The following SPON1 variants were observed in gnomAD, a reference collection of about 807,000 sequenced individuals.
SPON1 encodes spondin-1.
Under a neutral mutation model 111.7 loss-of-function variants are expected in SPON1, and 52 were observed. That is an observed-to-expected ratio of 0.47 (90% CI 0.37 to 0.59). SPON1 has a LOEUF of 0.59. SPON1 is among the 20% of genes least tolerant of loss of function. The probability of loss-of-function intolerance (pLI) is 0.00; values close to 1 mark genes in which losing one functional copy is unlikely to be tolerated. For missense variants in SPON1, 957 were observed against 1,068.5 expected (o/e 0.90, Z 1.46); for synonymous variants, 410 against 395.8 (o/e 1.04, Z -0.43).
chr11:14,230,823 C>T (rs1460364173), intron 6 of SPON1, among the ~76,000 whole-genome samples: 1 of 152,096 alleles, frequency 6.6e-6, no homozygotes, highest in Non-Finnish European at 1.5e-5. Flanking sequence ...GGGTCTCACT[C>T]TGTCACCCAG....
At chr11:14,107,471 G>A (rs569440744) in intron 5 of SPON1, among the ~76,000 whole-genome samples, 36 of 151,724 alleles carry the variant, frequency 2.4e-4, no homozygotes, top group African/African-American at 8.2e-4. Flanking sequence ...TCTTTGGTCC[G>A]TTGACTGAAT....
intron 2 of SPON1, among the ~76,000 whole-genome samples, chr11:14,032,279 G>A (rs1235948466): frequency 1.3e-5 from 2 of 151,952 alleles, no homozygotes; most frequent in Admixed American, 6.6e-5. Flanking sequence ...ACTATCTTGG[G>A]GTGGTGGAAT....
chr11:13,990,837 G>A (rs12363301), intron 2 of SPON1, among the ~76,000 whole-genome samples: 1 of 152,118 alleles, frequency 6.6e-6, no homozygotes, highest in Non-Finnish European at 1.5e-5. Flanking sequence ...ATGAAGCTTA[G>A]TTTGGCTGGA....
At position 14,170,244 on chromosome 11, in the gene SPON1, T is replaced by C. The variant is rs1470489552; in HGVS notation, c.825+34676T>C. ...TAAGTTGGATTCCTAGGTATTTTCT[T>C]CTCTTTGAAGCAATTGTGAATGGGA... On this transcript the variant is annotated intron_variant, in intron 6 of 15. Transcript: ENST00000576479. 3.3e-5 allele frequency among the ~76,000 whole-genome samples: 5 copies of C among 152,254 alleles called. No homozygotes were observed. The East Asian group carries it at 9.6e-4, about 29-fold the overall frequency.
chr11:14,264,095 G>A (rs1217124134), intron 15 of SPON1, among the ~76,000 whole-genome samples: 1 of 151,902 alleles, frequency 6.6e-6, no homozygotes, highest in Non-Finnish European at 1.5e-5. Context: ...CAAAGGCACA[G>A]AGATGCCAAA....
intron 3 of SPON1, among the ~76,000 whole-genome samples, chr11:14,050,373 A>C (rs1439522604): frequency 6.6e-6 from 1 of 152,176 alleles, no homozygotes; most frequent in Non-Finnish European, 1.5e-5. Context: ...TTTGTAAATA[A>C]AGTTTTATTG....
intron 6 of SPON1, among the ~76,000 whole-genome samples, chr11:14,138,579 C>G (rs1591386127): frequency 6.6e-6 from 1 of 152,156 alleles, no homozygotes; most frequent in Non-Finnish European, 1.5e-5. Context: ...ATTAGAAATA[C>G]TGAGCTATGG....
At chr11:14,245,330 ATGCAG>A (rs1848977532) in intron 7 of SPON1, among the ~76,000 whole-genome samples, 1 of 152,330 alleles carries the variant, frequency 6.6e-6, no homozygotes, top group East Asian at 1.9e-4. Context: ...AGCCCTGCAC[ATGCAG>A]TCCTAGCTCT....
At chr11:14,065,008 G>A (rs1848821144) in intron 3 of SPON1, among the ~76,000 whole-genome samples, 1 of 151,958 alleles carries the variant, frequency 6.6e-6, no homozygotes. Context: ...TTTTTTCAGG[G>A]GTTCAAAGAT....
intron 6 of SPON1, among the ~76,000 whole-genome samples, chr11:14,201,462 A>G (rs1288008201): frequency 1.3e-5 from 2 of 151,450 alleles, no homozygotes; most frequent in Non-Finnish European, 2.9e-5. Flanking sequence ...GCAGTGGCAC[A>G]GTCTCAGCTC....
At chr11:13,998,996 AG>A (rs1240429814) in intron 2 of SPON1, among the ~76,000 whole-genome samples, 2 of 152,200 alleles carry the variant, frequency 1.3e-5, no homozygotes, top group Non-Finnish European at 2.9e-5. Context: ...TTAAAATGAG[AG>A]TGATGAGCCT....
At chr11:14,165,334 A>T (rs1341387983) in intron 6 of SPON1, among the ~76,000 whole-genome samples, 1 of 152,052 alleles carries the variant, frequency 6.6e-6, no homozygotes, top group East Asian at 1.9e-4. Context: ...GGCTATGAGG[A>T]TGGGAAAAGG....
intron 2 of SPON1, among the ~76,000 whole-genome samples, chr11:14,005,753 T>C (rs1848354633): frequency 6.6e-6 from 1 of 152,172 alleles, no homozygotes; most frequent in Admixed American, 6.5e-5. Context: ...ATAATTCTGA[T>C]CTCAATGCCT....
At chr11:14,070,307 G>T (rs1245625409) in intron 3 of SPON1, among the ~76,000 whole-genome samples, 1 of 152,096 alleles carries the variant, frequency 6.6e-6, no homozygotes, top group African/African-American at 2.4e-5. Context: ...CTGGAATTGG[G>T]AAGAAGGCTG....
intron 4 of SPON1, among the ~76,000 whole-genome samples, chr11:14,076,429 G>A (rs1289775688): frequency 6.6e-6 from 1 of 152,074 alleles, no homozygotes; most frequent in Non-Finnish European, 1.5e-5. Flanking sequence ...ATATGTTTGG[G>A]GTGCTTTGCT....
At chr11:14,133,757 G>A (rs1008125943) in intron 5 of SPON1, among the ~76,000 whole-genome samples, 22 of 152,172 alleles carry the variant, frequency 1.4e-4, no homozygotes, top group Non-Finnish European at 7.3e-5. Flanking sequence ...TTAGAGAAAC[G>A]GCTGGCAGCA....
chr11:14,079,371 T>G (rs567178941), intron 4 of SPON1, among the ~76,000 whole-genome samples: 88 of 152,332 alleles, frequency 5.8e-4, no homozygotes, highest in African/African-American at 2.0e-3. Context: ...TATATATGCA[T>G]GCCTCTTTTT....
chr11:14,015,875 A>T (rs182458574), intron 2 of SPON1, among the ~76,000 whole-genome samples: 155 of 152,240 alleles, frequency 1.0e-3, no homozygotes, highest in African/African-American at 3.4e-3. Context: ...CTTTGACTTT[A>T]CCTGCCTTAT....
intron 2 of SPON1, among the ~76,000 whole-genome samples, chr11:14,035,510 A>G (rs782354476): frequency 1.1e-4 from 17 of 152,158 alleles, no homozygotes; most frequent in Non-Finnish European, 1.9e-4. Flanking sequence ...ATTCAGAAGG[A>G]AGTCCAGGGA....
Sources: gnomAD v4.1 joint callset for allele counts (sites outside exome capture counted in the v4.1 genomes callset) on GRCh38, gnomAD v4.1.1 for gene constraint, MANE v1.5 for transcripts, NCBI Gene and HGNC (gene_info 2026-07-23, HGNC 2026-07-21) for gene names.